Variants in CSMD1 observed in about 807,000 individuals in gnomAD.
The protein encoded by CSMD1 is CUB and sushi domain-containing protein 1.
In CSMD1, 213 loss-of-function variants were observed where a neutral mutation model predicts 417.5. That is an observed-to-expected ratio of 0.51 (90% confidence interval 0.46 to 0.57). The LOEUF (loss-of-function observed/expected upper bound fraction) is 0.57. CSMD1 is among the 20% of genes least tolerant of loss of function. CSMD1 has a pLI of 0.00. For synonymous variants in CSMD1, 2,862 were observed against 1,736.8 expected, an observed-to-expected ratio of 1.65 and a Z score of -16.11; for missense variants, 6,923 against 4,529.7, an observed-to-expected ratio of 1.53 and a Z score of -15.17.
intron 1 of CSMD1, among the ~76,000 whole-genome samples, chr8:4,812,413 C>A (rs2117340360): frequency 1.3e-5 from 2 of 152,262 alleles, no homozygotes; most frequent in South Asian, 4.1e-4. Flanking sequence ...AGAGTAGTGA[C>A]TTTGTCAATT....
At chr8:3,312,818 A>G (rs912579079) in intron 23 of CSMD1, among the ~76,000 whole-genome samples, 8 of 148,440 alleles carry the variant, frequency 5.4e-5, no homozygotes, top group Non-Finnish European at 1.0e-4. Context: ...TTAGACTTCA[A>G]TCTGGTGTTT....
chr8:3,142,551 G>A lies in CSMD1; in HGVS notation c.6155C>T (p.Ala2052Val), dbSNP rs1818568523. ...GQFSGTDLPA[A>V]LLSTTHETLI... ...GGTTTCATGCGTTGTGCTCAGCAGG[G>A]CCGCGGGGAGATCCGTGCCGCTAAA... The change falls in exon 41 of 70, where the codon GCC becomes GTC. Residue 2052 changes from alanine to valine, a missense_variant. Transcript: ENST00000635120. 4 of 1,613,996 alleles carry A rather than the reference G, an allele frequency of 2.5e-6. No individual in the cohort carries two copies. The highest frequency in any genetic ancestry group is 1.7e-6 in the Non-Finnish European group (2 of 1,179,900).
intron 2 of CSMD1, among the ~76,000 whole-genome samples, chr8:4,441,287 G>A (rs1345850327): frequency 7.3e-5 from 10 of 136,224 alleles, no homozygotes; most frequent in South Asian, 2.4e-4. Flanking sequence ...TTTTTTGGTG[G>A]GGGGAGTAGA....
chr8:3,020,840 G>C (rs1050176559), intron 51 of CSMD1, among the ~76,000 whole-genome samples: 4 of 152,130 alleles, frequency 2.6e-5, no homozygotes, highest in Non-Finnish European at 4.4e-5. Flanking sequence ...TATTGGTTTT[G>C]GGGATTGCTA....
intron 7 of CSMD1, chr8:3,700,578 G>C (rs1402575738): frequency 6.6e-6 from 1 of 152,216 alleles, no homozygotes; most frequent in East Asian, 1.9e-4. Context: ...GAGAAGTTGT[G>C]GATGCTCAAG....
intron 5 of CSMD1, among the ~76,000 whole-genome samples, chr8:3,954,780 A>T (rs933612568): frequency 6.6e-6 from 1 of 151,706 alleles, no homozygotes; most frequent in South Asian, 2.1e-4. Flanking sequence ...TGTGGCAGGG[A>T]GTTACATGCA....
chr8:4,345,646 C>G (rs1800736260), intron 3 of CSMD1, among the ~76,000 whole-genome samples: 1 of 152,056 alleles, frequency 6.6e-6, no homozygotes, highest in Non-Finnish European at 1.5e-5. Flanking sequence ...AAACACGGTT[C>G]AAATGACTGG....
At chr8:4,871,787 A>T (rs893840863) in intron 1 of CSMD1, among the ~76,000 whole-genome samples, 8 of 152,092 alleles carry the variant, frequency 5.3e-5, no homozygotes, top group African/African-American at 1.9e-4. Context: ...GTACATTTAG[A>T]TTGTACACTT....
intron 26 of CSMD1, among the ~76,000 whole-genome samples, chr8:3,283,943 T>G (rs1346228166): frequency 6.6e-6 from 1 of 152,262 alleles, no homozygotes; most frequent in East Asian, 1.9e-4. Flanking sequence ...TAAGCTGGCT[T>G]CTGTTATCGT....
intron 23 of CSMD1, among the ~76,000 whole-genome samples, chr8:3,319,903 T>C (rs946425227): frequency 6.6e-6 from 1 of 152,160 alleles, no homozygotes; most frequent in Non-Finnish European, 1.5e-5. Context: ...GATGACTCAT[T>C]AAAAAAACTT....
intron 2 of CSMD1, among the ~76,000 whole-genome samples, chr8:4,464,067 G>GA (rs1438565220): frequency 6.6e-6 from 1 of 152,082 alleles, no homozygotes; most frequent in Non-Finnish European, 1.5e-5. Flanking sequence ...ATGGTAAGAA[G>GA]ACTGAAAGAA....
At chr8:4,269,975 A>T (rs983765360) in intron 3 of CSMD1, among the ~76,000 whole-genome samples, 1 of 152,158 alleles carries the variant, frequency 6.6e-6, no homozygotes, top group Non-Finnish European at 1.5e-5. Flanking sequence ...GCACAGCAAA[A>T]TGTTGACCTG....
intron 1 of CSMD1, among the ~76,000 whole-genome samples, chr8:4,970,763 C>T (rs181885628): frequency 1.8e-3 from 278 of 152,164 alleles, no homozygotes; most frequent in African/African-American, 6.3e-3. Context: ...TTTGACAAAA[C>T]CAAACAAGGG....
At chr8:4,120,328 TTAGC>T (rs1802411860) in intron 3 of CSMD1, among the ~76,000 whole-genome samples, 1 of 152,206 alleles carries the variant, frequency 6.6e-6, no homozygotes, top group Non-Finnish European at 1.5e-5. Context: ...TATTGATTAC[TTAGC>T]TATAAGATAA....
chr8:3,346,699 T>A (rs1585032567), intron 22 of CSMD1, among the ~76,000 whole-genome samples: 1 of 152,202 alleles, frequency 6.6e-6, no homozygotes, highest in Non-Finnish European at 1.5e-5. Flanking sequence ...GGGGCTCCAT[T>A]CCAGCCATTC....
At chr8:4,795,027 T>TG (rs932048263) in intron 1 of CSMD1, among the ~76,000 whole-genome samples, 2 of 93,288 alleles carry the variant, frequency 2.1e-5, no homozygotes, top group Admixed American at 1.3e-4. Context: ...AAGAAAGATG[T>TG]GGGGGGTGGG....
chr8:3,960,406 C>A (rs976130132), intron 5 of CSMD1, among the ~76,000 whole-genome samples: 2 of 152,096 alleles, frequency 1.3e-5, no homozygotes, highest in African/African-American at 2.4e-5. Flanking sequence ...ATGCACCAGA[C>A]AGAAGACTAG....
At chr8:3,265,763 C>A (rs1236236652) in intron 26 of CSMD1, among the ~76,000 whole-genome samples, 1 of 152,108 alleles carries the variant, frequency 6.6e-6, no homozygotes, top group African/African-American at 2.4e-5. Context: ...CATGGCCTTT[C>A]TTCAGCATGA....
chr8:3,235,159 C>T (rs909760627), intron 26 of CSMD1, among the ~76,000 whole-genome samples: 3 of 151,910 alleles, frequency 2.0e-5, no homozygotes, highest in Admixed American at 6.6e-5. Flanking sequence ...CTGTAAATAT[C>T]GCAACATTTA....
Sources: allele counts gnomAD v4.1 joint callset (sites outside exome capture counted in the v4.1 genomes callset), GRCh38; gene constraint gnomAD v4.1.1; transcripts MANE v1.5; gene names NCBI Gene and HGNC (gene_info 2026-07-23, HGNC 2026-07-21).